The following ESRRG variants were observed in gnomAD, a reference collection of about 807,000 sequenced individuals.
ESRRG encodes estrogen related receptor gamma.
Under a neutral mutation model 44.0 loss-of-function variants are expected in ESRRG, and 13 were observed. That is an observed-to-expected ratio of 0.30 (90% CI 0.19 to 0.47). ESRRG has a LOEUF of 0.47. Among genes scored for constraint, ESRRG ranks in the 20% least tolerant of loss-of-function variants. ESRRG has a pLI of 1.00. For missense variants in ESRRG, 395 were observed against 580.6 expected (o/e 0.68, Z 3.29); for synonymous variants, 215 against 214.6 (o/e 1.00, Z -0.02).
intron 1 of ESRRG, among the ~76,000 whole-genome samples, chr1:216,950,592 T>C (rs748320307): frequency 6.6e-6 from 1 of 152,164 alleles, no homozygotes; most frequent in Non-Finnish European, 1.5e-5. Flanking sequence ...AATGAATTAA[T>C]ATCAACCAGC....
chr1:217,079,807 G>A (rs1417341483), intron 1 of ESRRG, among the ~76,000 whole-genome samples: 1 of 152,136 alleles, frequency 6.6e-6, no homozygotes, highest in African/African-American at 2.4e-5. Flanking sequence ...CAGACACTGG[G>A]GGCACAAAGT....
intron 1 of ESRRG, among the ~76,000 whole-genome samples, chr1:216,962,413 T>C (rs751529258): frequency 2.0e-5 from 3 of 152,142 alleles, no homozygotes; most frequent in Non-Finnish European, 2.9e-5. Flanking sequence ...AATTCCCTTG[T>C]CTGTGAATGT....
intron 1 of ESRRG, among the ~76,000 whole-genome samples, chr1:217,057,397 A>G (rs1409302651): frequency 6.6e-6 from 1 of 152,206 alleles, no homozygotes; most frequent in Non-Finnish European, 1.5e-5. Flanking sequence ...GAAAGTGATT[A>G]TAATTACAAA....
At chr1:216,790,536 T>C (rs1234790108) in intron 2 of ESRRG, among the ~76,000 whole-genome samples, 1 of 152,058 alleles carries the variant, frequency 6.6e-6, no homozygotes, top group Non-Finnish European at 1.5e-5. Flanking sequence ...TGAATCTTAG[T>C]AAGGTTTGGA....
chr1:216,508,177 T>C (rs543082135), intron 6 of ESRRG, among the ~76,000 whole-genome samples: 1 of 152,046 alleles, frequency 6.6e-6, no homozygotes, highest in Non-Finnish European at 1.5e-5. Context: ...CAAACATAGA[T>C]CACATGAACA....
chr1:217,025,051 G>A (rs1015062272), intron 1 of ESRRG, among the ~76,000 whole-genome samples: 6 of 152,096 alleles, frequency 3.9e-5, no homozygotes, highest in African/African-American at 4.8e-5. Context: ...CACCTTCCTC[G>A]TTATCCTGCT....
At chr1:216,534,476 G>C (rs972639631) in intron 5 of ESRRG, among the ~76,000 whole-genome samples, 3 of 152,124 alleles carry the variant, frequency 2.0e-5, no homozygotes, top group Non-Finnish European at 2.9e-5. Context: ...TAGCTCATGA[G>C]TATCTCTTTC....
chr1:217,121,150 ACT>A (rs374881045), intron 1 of ESRRG, among the ~76,000 whole-genome samples: 2 of 144,690 alleles, frequency 1.4e-5, no homozygotes, highest in East Asian at 2.1e-4. Context: ...ACACACACAC[ACT>A]CATTTATCAG....
At chr1:216,955,201 C>T (rs1303483028) in intron 1 of ESRRG, among the ~76,000 whole-genome samples, 1 of 152,040 alleles carries the variant, frequency 6.6e-6, no homozygotes, top group Non-Finnish European at 1.5e-5. Context: ...TTCCCTCACA[C>T]CTACCCCTCC....
At chr1:216,827,839 A>T (rs1307484987) in intron 2 of ESRRG, among the ~76,000 whole-genome samples, 1 of 152,216 alleles carries the variant, frequency 6.6e-6, no homozygotes, top group Non-Finnish European at 1.5e-5. Context: ...ATTGGGGAAG[A>T]GTAAGCTTAT....
intron 1 of ESRRG, among the ~76,000 whole-genome samples, chr1:216,958,753 A>T (rs12079985): frequency 0.049 from 7,446 of 151,812 alleles, 558 homozygotes; most frequent in African/African-American, 0.17. Flanking sequence ...TAACATTATG[A>T]TCTCATCTCC....
rs17669198 is a variant in ESRRG, at chr1:216,573,286, T to C, written c.590-5188A>G. Among the ~76,000 whole-genome samples the C allele has an allele frequency of 5.5e-3, 837 of 152,112 alleles. 4 individuals are homozygous for C. Among genetic ancestry groups the C allele is most frequent in the Non-Finnish European group, 8.0e-3 (540 of 67,862 alleles). ...AGAATATGTCAAAGCAAATAAAGCA[T>C]AGTTTGCTAGTCAGAATGGTTCAAT... On this transcript the variant is annotated intron_variant, in intron 3 of 6. Transcript: ENST00000408911.
chr1:216,708,628 A>T (rs1234552300), intron 1 of ESRRG, among the ~76,000 whole-genome samples: 2 of 152,250 alleles, frequency 1.3e-5, no homozygotes, highest in African/African-American at 2.4e-5. Context: ...AGTGTAAATT[A>T]GTTCAACCAC....
At chr1:216,625,102 C>A (rs754529805) in intron 3 of ESRRG, among the ~76,000 whole-genome samples, 1 of 152,114 alleles carries the variant, frequency 6.6e-6, no homozygotes, top group African/African-American at 2.4e-5. Flanking sequence ...TCATCTTATA[C>A]GTGGGCCAAT....
intron 3 of ESRRG, among the ~76,000 whole-genome samples, chr1:216,608,820 A>G (rs2060257360): frequency 1.3e-5 from 2 of 152,364 alleles, no homozygotes; most frequent in South Asian, 4.1e-4. Context: ...GCATCTTGTT[A>G]TAAAAACCAC....
chr1:217,029,687 T>C (rs894556889), intron 1 of ESRRG, among the ~76,000 whole-genome samples: 2 of 152,156 alleles, frequency 1.3e-5, no homozygotes, highest in African/African-American at 4.8e-5. Context: ...AGAATATTTA[T>C]ACACTTGACT....
chr1:216,788,511 T>C (rs1295213404), intron 2 of ESRRG, among the ~76,000 whole-genome samples: 1 of 152,110 alleles, frequency 6.6e-6, no homozygotes, highest in Non-Finnish European at 1.5e-5. Flanking sequence ...AAGCAAAATA[T>C]TACTGCCAAT....
chr1:216,963,648 G>A (rs2576213), intron 1 of ESRRG, among the ~76,000 whole-genome samples: 22,151 of 152,084 alleles, frequency 0.15, 1,794 homozygotes, highest in Middle Eastern at 0.26. Context: ...ATGACATTTT[G>A]CCAAATATTA....
intron 1 of ESRRG, among the ~76,000 whole-genome samples, chr1:217,044,589 G>C (rs942063231): frequency 6.6e-6 from 1 of 152,054 alleles, no homozygotes; most frequent in African/African-American, 2.4e-5. Context: ...TGAGACTAAA[G>C]GGCAATTGCA....
Sources: gnomAD v4.1 joint callset for allele counts (sites outside exome capture counted in the v4.1 genomes callset) on GRCh38, gnomAD v4.1.1 for gene constraint, MANE v1.5 for transcripts, NCBI Gene and HGNC (gene_info 2026-07-23, HGNC 2026-07-21) for gene names.